The following ERI1 variants were observed in gnomAD, a reference collection of about 807,000 sequenced individuals.
ERI1 encodes the protein 3'-5' exoribonuclease 1.
A neutral mutation model predicts 39.7 loss-of-function variants in ERI1; 39 were observed. The ratio of observed to expected loss-of-function variants is 0.98; its 90% confidence interval spans 0.76 to 1.28. ERI1 has a LOEUF of 1.28. Ranked by LOEUF, ERI1 falls within the 50% of genes most tolerant of loss-of-function variation. The probability of loss-of-function intolerance (pLI) is 0.00; values close to 1 mark genes in which losing one functional copy is unlikely to be tolerated. For synonymous variants in ERI1, 204 were observed against 149.6 expected (o/e 1.36, Z -2.65); for missense variants, 581 against 416.9 (o/e 1.39, Z -3.43).
At chr8:9,065,523 G>A (rs375383932) in intron 3 of ERI1, among the ~76,000 whole-genome samples, 22 of 151,882 alleles carry the variant, frequency 1.4e-4, no homozygotes, top group African/African-American at 4.3e-4. Context: ...GTGAAACGCC[G>A]TCTCTACTAA....
chr8:9,019,678 C>G (rs73662277), intron 5 of ERI1, among the ~76,000 whole-genome samples: 1 of 152,272 alleles, frequency 6.6e-6, no homozygotes, highest in African/African-American at 2.4e-5. Context: ...TGGGGACATA[C>G]ACTTATTTTT....
intron 3 of ERI1, among the ~76,000 whole-genome samples, chr8:9,083,884 C>T (rs572112872): frequency 1.3e-5 from 2 of 152,186 alleles, no homozygotes; most frequent in African/African-American, 4.8e-5. Context: ...AACTCCGCCT[C>T]CTGGGTTCAC....
At chr8:9,068,968 C>G (rs1267295241) in intron 3 of ERI1, among the ~76,000 whole-genome samples, 1 of 152,092 alleles carries the variant, frequency 6.6e-6, no homozygotes, top group Admixed American at 6.6e-5. Context: ...CAGGTGTGCA[C>G]CACCATGCTT....
intron 6 of ERI1, among the ~76,000 whole-genome samples, chr8:9,028,335 T>G (rs1161531244): frequency 6.6e-6 from 1 of 152,232 alleles, no homozygotes; most frequent in Non-Finnish European, 1.5e-5. Context: ...CTCTTCTACC[T>G]AAGTTATCCA....
At chr8:9,021,512 A>G (rs1288729001) in intron 6 of ERI1, among the ~76,000 whole-genome samples, 1 of 152,160 alleles carries the variant, frequency 6.6e-6, no homozygotes, top group Non-Finnish European at 1.5e-5. Flanking sequence ...CTGTTTTAAC[A>G]GTCTTTTAAA....
At chr8:9,009,961 C>A (rs17701980) in intron 2 of ERI1, among the ~76,000 whole-genome samples, 1 of 152,042 alleles carries the variant, frequency 6.6e-6, no homozygotes. Context: ...CATTTTACCT[C>A]GTAAGCAGAA....
chr8:9,018,899 T>C (rs891079529), intron 5 of ERI1, among the ~76,000 whole-genome samples: 3 of 152,356 alleles, frequency 2.0e-5, no homozygotes, highest in Middle Eastern at 3.4e-3. Flanking sequence ...ATCTTGTGTT[T>C]TACCCTGACA....
At chr8:9,079,973 C>G (rs981640560) in intron 3 of ERI1, among the ~76,000 whole-genome samples, 1 of 136,426 alleles carries the variant, frequency 7.3e-6, no homozygotes, top group Non-Finnish European at 1.5e-5. Context: ...GCTTGGCCCA[C>G]AAGCAGGTTT....
At chr8:9,058,296 C>T (rs1016099255) in intron 3 of ERI1, among the ~76,000 whole-genome samples, 1 of 152,162 alleles carries the variant, frequency 6.6e-6, no homozygotes, top group African/African-American at 2.4e-5. Context: ...GAGCCACGGG[C>T]AGTTTCTATT....
At chr8:9,096,472 G>T (rs890743310) in intron 3 of ERI1, among the ~76,000 whole-genome samples, 5 of 152,134 alleles carry the variant, frequency 3.3e-5, no homozygotes, top group African/African-American at 1.2e-4. Flanking sequence ...TCCCATGGAG[G>T]TAGTCACAGG....
intron 3 of ERI1, among the ~76,000 whole-genome samples, chr8:9,098,872 C>T (rs941139595): frequency 2.6e-5 from 4 of 152,128 alleles, no homozygotes; most frequent in Non-Finnish European, 4.4e-5. Flanking sequence ...CTCTCACTGT[C>T]ACTCAGACTG....
At chr8:9,054,704 C>T (rs1399763514) in intron 3 of ERI1, among the ~76,000 whole-genome samples, 1 of 152,258 alleles carries the variant, frequency 6.6e-6, no homozygotes. Context: ...GGGGGCAGAT[C>T]ACTTGAGGCC....
At position 9,031,681 on chromosome 8, in the gene ERI1, C is replaced by T. The variant is rs185352562; in HGVS notation, c.*1647C>T. On this transcript the variant is annotated 3_prime_UTR_variant, in exon 7 of 7. Coordinates refer to ENST00000250263, the MANE Select transcript of ERI1 (RefSeq NM_153332.4). ...CTGCTAATTTCTTTGCCTGTTTTCA[C>T]TTTCGCCAAGTACCAACAAGCTCAT... The T allele has an allele frequency of 9.0e-4, 137 of 152,304 alleles. No homozygotes were observed. The highest frequency in any genetic ancestry group is 3.1e-3 in the African/African-American group (130 of 41,572). The allele number at this position is 152,304 out of a possible 1,614,324, so 9.4% of individuals were successfully genotyped here.
rs192019985 is a variant in ERI1 at position 9,018,448 on chromosome 8, A to G, written c.692+42A>G. 4.3e-3 allele frequency: 4,760 copies of G among 1,095,404 alleles called. 15 individuals are homozygous for G. Among genetic ancestry groups the G allele is most frequent in the Non-Finnish European group, 5.6e-3 (4,161 of 740,304 alleles). The allele number at this position is 1,095,404 out of a possible 1,614,324, so 67.9% of individuals were successfully genotyped here. A position where few individuals can be genotyped will look rare whatever the true frequency, so the allele number is the denominator to read the frequency against. On this transcript the variant is annotated intron_variant, in intron 5 of 6. Transcript: ENST00000250263. ...ATTATTTTTTTATATCTACTTTTTA[A>G]AGATTAAAGATACCCTTATTTATCT... is the stretch of plus-strand genomic sequence containing the variant.
rs553032650 is a variant in ERI1, at chr8:9,024,947, A to G, written c.807+4483A>G. On this transcript the variant is annotated intron_variant, in intron 6 of 6. Transcript: ENST00000250263. ...TTTGCTCTTCATGCATGTTAAAAAAAAAAGCTTGCTTACACATGTAGAAAG... is the reference window on the plus strand; with the variant it reads ...TTTGCTCTTCATGCATGTTAAAAAAGAAAGCTTGCTTACACATGTAGAAAG... Among the ~76,000 whole-genome samples the G allele has an allele frequency of 3.0e-3, 454 of 152,344 alleles. 2 individuals carry two copies. The highest frequency in any genetic ancestry group is 0.01 in the African/African-American group (436 of 41,572).
intron 3 of ERI1, among the ~76,000 whole-genome samples, chr8:9,038,531 G>T (rs375550608): frequency 6.6e-6 from 1 of 152,206 alleles, no homozygotes; most frequent in Non-Finnish European, 1.5e-5. Flanking sequence ...AGGCTGAGGT[G>T]GGTGGATTGC....
At chr8:9,039,868 A>G (rs961965959) in intron 3 of ERI1, among the ~76,000 whole-genome samples, 3 of 152,198 alleles carry the variant, frequency 2.0e-5, no homozygotes, top group African/African-American at 7.2e-5. Context: ...TGGAGTAAAT[A>G]TTTCACAAAA....
chr8:9,025,288 A>G (rs753028283), intron 6 of ERI1, among the ~76,000 whole-genome samples: 7 of 152,202 alleles, frequency 4.6e-5, no homozygotes, highest in Admixed American at 1.3e-4. Flanking sequence ...CAAAAGGTGG[A>G]CATTTTAAGG....
chr8:9,091,608 C>A (rs1192637060), intron 3 of ERI1: 2 of 152,064 alleles, frequency 1.3e-5, no homozygotes, highest in African/African-American at 4.8e-5. Context: ...GAAGTCTGAA[C>A]TTTGCCTTTC....
Sources: allele counts gnomAD v4.1 joint callset (sites outside exome capture counted in the v4.1 genomes callset), GRCh38; gene constraint gnomAD v4.1.1; transcripts MANE v1.5; gene names NCBI Gene and HGNC (gene_info 2026-07-23, HGNC 2026-07-21).